MICB: variants seen among roughly 807,000 people sequenced by gnomAD.
MICB encodes the protein MHC class I polypeptide-related sequence B.
Under a neutral mutation model 34.3 loss-of-function variants are expected in MICB, and 27 were observed. The observed-to-expected ratio is 0.79, with a 90% CI of 0.58 to 1.08. MICB has a LOEUF of 1.08. Among genes scored for constraint, MICB ranks in the 50% least tolerant of loss-of-function variants. The probability of loss-of-function intolerance (pLI) is 0.00; values close to 1 mark genes in which losing one functional copy is unlikely to be tolerated. For synonymous variants in MICB, 153 were observed against 187.4 expected, an observed-to-expected ratio of 0.82 and a Z score of 1.50; for missense variants, 426 against 483.1, an observed-to-expected ratio of 0.88 and a Z score of 1.11.
In MICB at chr6:31,510,194, A is replaced by G; in HGVS notation, c.*285A>G. 3.3e-6 allele frequency: 1 copy of G among 303,302 alleles called. No homozygotes were observed. Among genetic ancestry groups the G allele is most frequent in the Non-Finnish European group, 6.0e-6 (1 of 165,804 alleles). 18.8% of individuals were successfully genotyped at this position (303,302 alleles called of 1,614,324 possible). A position where few individuals can be genotyped will look rare whatever the true frequency, so the allele number is the denominator to read the frequency against. On this transcript the variant is annotated 3_prime_UTR_variant, in exon 6 of 6. Transcript: ENST00000252229. ...AACTCACGACTGCTCCTGCCAACAG[A>G]AGGTTTGCTGAGGGCATTCACTCCA...
rs1021162280 is a variant in MICB, at chr6:31,511,012, C to T, written c.*1103C>T. ...TGACTCCTCCTGACCAGCCCAGGAC[C>T]AGCTTTCTTGTCACCTTGAGGTCCC... On this transcript the variant is annotated 3_prime_UTR_variant, in exon 6 of 6. Transcript: ENST00000252229. 1 of 152,186 alleles carries T rather than the reference C, an allele frequency of 6.6e-6. No homozygotes were observed. The highest frequency in any genetic ancestry group is 1.5e-5 in the Non-Finnish European group (1 of 68,064). The allele number at this position is 152,186 out of a possible 1,614,324, so 9.4% of individuals were successfully genotyped here.
intron 1 of MICB, among the ~76,000 whole-genome samples, chr6:31,503,123 G>T (rs1180860879): frequency 6.6e-6 from 1 of 152,160 alleles, no homozygotes; most frequent in Non-Finnish European, 1.5e-5. Context: ...GTTGAATGTG[G>T]TTTGCTAGTA....
intron 1 of MICB, among the ~76,000 whole-genome samples, chr6:31,501,710 C>G (rs1765026893): frequency 6.6e-6 from 1 of 152,096 alleles, no homozygotes; most frequent in African/African-American, 2.4e-5. Context: ...TGTATGTGTT[C>G]TTGGTAACTT....
intron 5 of MICB, 53 bp from the exon 6 acceptor site, chr6:31,509,722 TTAGGGAA>T: frequency 6.7e-7 from 1 of 1,490,378 alleles, no homozygotes; most frequent in Non-Finnish European, 8.9e-7. Flanking sequence ...AGAAAAGTCC[TTAGGGAA>T]TAAACACAAC....
At chr6:31,505,969 G>A (rs3130616) in intron 2 of MICB, 98 bp downstream of exon 2, 172,763 of 1,493,996 alleles carry the variant, frequency 0.12, 11,573 homozygotes, top group Non-Finnish European at 0.13. Context: ...TCTGGCTGGG[G>A]GTGGGGATGA....
chr6:31,506,384 G>T lies in MICB; in HGVS notation c.567G>T (p.Gln189His). 6.2e-7 allele frequency: 1 copy of T among 1,614,128 alleles called. No homozygotes were observed. Among genetic ancestry groups the T allele is most frequent in the Non-Finnish European group, 8.5e-7 (1 of 1,179,994 alleles). ...HYRAMQADCL[Q>H]KLQRYLKSGV... is the part of the protein sequence containing the mutation. Reference sequence around the variant, plus strand: ...GCGCTATGCAGGCAGACTGCCTGCAGAAACTACAGCGATATCTGAAATCCG... The same window carrying T: ...GCGCTATGCAGGCAGACTGCCTGCATAAACTACAGCGATATCTGAAATCCG... The change falls in exon 3 of 6, where the codon CAG (glutamine) becomes CAT (histidine). Residue 189 changes from glutamine (Q) to histidine (H), a missense_variant. By Grantham distance (24) the Gln-to-His change is conservative. Transcript: ENST00000252229.
intron 1 of MICB, among the ~76,000 whole-genome samples, chr6:31,502,100 C>A (rs1260510369): frequency 6.6e-6 from 1 of 152,118 alleles, no homozygotes; most frequent in Admixed American, 6.5e-5. Context: ...CTTTGGGAGG[C>A]CGAGTCAGGT....
At chr6:31,500,244 C>T (rs3020830) in intron 1 of MICB, among the ~76,000 whole-genome samples, 22,444 of 151,504 alleles carry the variant, frequency 0.15, 1,807 homozygotes, top group Admixed American at 0.24. Flanking sequence ...GAATCTCCCC[C>T]TCTACCTTGG....
At chr6:31,500,011 C>A (rs541716083) in intron 1 of MICB, among the ~76,000 whole-genome samples, 12 of 151,436 alleles carry the variant, frequency 7.9e-5, no homozygotes, top group Admixed American at 3.3e-4. Context: ...ATGCTCATGC[C>A]GCCCTCCAGT....
Position 31,509,974 on chromosome 6 carries a change from T to A in MICB, c.*65T>A. The A allele has an allele frequency of 6.8e-7, 1 of 1,465,178 alleles. No individual in the cohort carries two copies. The highest frequency in any genetic ancestry group is 9.0e-7 in the Non-Finnish European group (1 of 1,106,284). The allele number at this position is 1,465,178 out of a possible 1,614,324, so 90.8% of individuals were successfully genotyped here. The stretch of plus-strand genomic sequence containing the variant: ...GATCTCACCAGCACTTTCCCTCTGT[T>A]TCCTGACCTATGAAACAGAGAAAAT... On this transcript the variant is annotated 3_prime_UTR_variant, in exon 6 of 6. Transcript: ENST00000252229.
chr6:31,510,341 C>A lies in MICB; in HGVS notation c.*432C>A. 1 of 155,220 alleles carries A rather than the reference C, an allele frequency of 6.4e-6. No homozygotes were observed. The highest frequency in any genetic ancestry group is 1.4e-5 in the Non-Finnish European group (1 of 70,248). 9.6% of individuals were successfully genotyped at this position (155,220 alleles called of 1,614,324 possible). Reference sequence around the variant, plus strand: ...CTTCCACCCCTCTTCTTGCTATCTCCTATACCAATAAATACGAAGGGCTGT... The same window carrying A: ...CTTCCACCCCTCTTCTTGCTATCTCATATACCAATAAATACGAAGGGCTGT... On this transcript the variant is annotated 3_prime_UTR_variant, in exon 6 of 6. Coordinates refer to ENST00000252229, the MANE Select transcript of MICB (RefSeq NM_005931.5).
intron 3 of MICB, 88 bp downstream of exon 3, chr6:31,506,518 G>A: frequency 7.0e-7 from 1 of 1,426,322 alleles, no homozygotes. Context: ...AACCCTCCCT[G>A]TGCTATGGAT....
chr6:31,494,970 T>G (rs72844759), upstream of MICB: 1 of 75,940 alleles, frequency 1.3e-5, no homozygotes, highest in Non-Finnish European at 2.7e-5. Context: ...AAGTCGCCTC[T>G]GTGCTCGTGA....
intron 5 of MICB, among the ~76,000 whole-genome samples, chr6:31,509,245 C>T (rs3134895): frequency 0.81 from 122,826 of 152,184 alleles, 49,864 homozygotes; most frequent in East Asian, 0.91. Flanking sequence ...GTGGCAGCCA[C>T]GTCTTTCCAT....
chr6:31,504,416 C>T (rs6910465), intron 1 of MICB, among the ~76,000 whole-genome samples: 51,183 of 151,334 alleles, frequency 0.34, 8,817 homozygotes, highest in East Asian at 0.46. Flanking sequence ...CCCGCCACCA[C>T]ACCCGGCTAA....
intron 1 of MICB, among the ~76,000 whole-genome samples, chr6:31,499,016 G>A (rs1182328779): frequency 4.2e-4 from 62 of 149,108 alleles, no homozygotes; most frequent in African/African-American, 1.6e-3. Flanking sequence ...GTCCTCTCCC[G>A]GAGCCGATGT....
chr6:31,498,229 C>T lies in MICB; in HGVS notation c.36C>T (p.Val12=). ...GCCGGGTCCTGCTGTTTCTGGCCGT[C>T]GCCTTCCCTTTTGCACCCCCGGCAG... ...GLGRVLLFLA[V]AFPFAPPAAA... Residue 12 remains valine, a synonymous_variant, in exon 1 of 6, where the codon GTC becomes GTT. Coordinates refer to ENST00000252229, the MANE Select transcript of MICB (RefSeq NM_005931.5). 3 of 1,585,276 alleles carry T rather than the reference C, an allele frequency of 1.9e-6. No individual in the cohort carries two copies. Among genetic ancestry groups the T allele is most frequent in the South Asian group, 1.1e-5 (1 of 89,528 alleles).
rs766774267 is a variant in MICB, at chr6:31,506,410, G to A, written c.593G>A (p.Gly198Glu). The change falls in exon 3 of 6, where the codon GGG (glycine) becomes GAG (glutamate). Residue 198 changes from glycine to glutamate, a missense_variant. Coordinates refer to ENST00000252229, the MANE Select transcript of MICB (RefSeq NM_005931.5). ...AAACTACAGCGATATCTGAAATCCGGGGTGGCCATCAGGAGAACAGGTACC... is the reference window on the plus strand; with the variant it reads ...AAACTACAGCGATATCTGAAATCCGAGGTGGCCATCAGGAGAACAGGTACC... ...LQKLQRYLKS[G>E]VAIRRTVPPM... is the part of the protein sequence containing the mutation. 1.2e-6 allele frequency: 2 copies of A among 1,614,050 alleles called. No individual in the cohort carries two copies. Among genetic ancestry groups the A allele is most frequent in the African/African-American group, 1.3e-5 (1 of 75,016 alleles).
At chr6:31,505,118 C>T (rs908228063) in intron 1 of MICB, among the ~76,000 whole-genome samples, 15 of 151,958 alleles carry the variant, frequency 9.9e-5, no homozygotes, top group Admixed American at 4.6e-4. Context: ...CCTTGTGCCT[C>T]ATGACCACCC....
Sources: gnomAD v4.1 joint callset for allele counts (sites outside exome capture counted in the v4.1 genomes callset) on GRCh38, gnomAD v4.1.1 for gene constraint, MANE v1.5 for transcripts, NCBI Gene and HGNC (gene_info 2026-07-23, HGNC 2026-07-21) for gene names.